The following RARB variants were observed in gnomAD, a reference collection of about 807,000 sequenced individuals.
RARB encodes the protein HBV-activated protein.
In RARB, 17 loss-of-function variants were observed where a neutral mutation model predicts 51.9. The ratio of observed to expected loss-of-function variants is 0.33; its 90% CI spans 0.22 to 0.49. The LOEUF (loss-of-function observed/expected upper bound fraction) is 0.49. Among genes scored for constraint, RARB ranks in the 20% least tolerant of loss-of-function variants. The pLI is 0.99. For synonymous variants in RARB, 215 were observed against 195.4 expected (o/e 1.10, Z -0.84); for missense variants, 369 against 550.8 (o/e 0.67, Z 3.30).
At chr3:25,521,713 C>G (rs1698407025) in intron 3 of RARB, among the ~76,000 whole-genome samples, 1 of 152,150 alleles carries the variant, frequency 6.6e-6, no homozygotes, top group Admixed American at 6.5e-5. Flanking sequence ...ATGGGCAAGT[C>G]ACTTAACCTC....
intron 3 of RARB, among the ~76,000 whole-genome samples, chr3:25,564,961 C>A (rs1700430630): frequency 6.6e-6 from 1 of 152,170 alleles, no homozygotes; most frequent in African/African-American, 2.4e-5. Flanking sequence ...ACCCCACGCT[C>A]CCAGAGAAGA....
chr3:25,542,763 G>A (rs1559459242), intron 3 of RARB, among the ~76,000 whole-genome samples: 1 of 152,222 alleles, frequency 6.6e-6, no homozygotes, highest in Non-Finnish European at 1.5e-5. Context: ...AACTGCCATG[G>A]AGCAGGTAAT....
At chr3:25,483,312 A>G (rs537350989) in intron 2 of RARB, among the ~76,000 whole-genome samples, 27 of 152,358 alleles carry the variant, frequency 1.8e-4, no homozygotes, top group Admixed American at 9.8e-4. Flanking sequence ...GTGTACATAT[A>G]TAGTCTTCAC....
At chr3:24,954,933 T>C (rs980145007) in intron 2 of RARB, among the ~76,000 whole-genome samples, 7 of 152,072 alleles carry the variant, frequency 4.6e-5, no homozygotes, top group African/African-American at 1.7e-4. Context: ...CCGACGACAG[T>C]ATCTAGGGGT....
In RARB at chr3:25,241,243, CT is replaced by C. The variant is rs1485439451; in HGVS notation, c.178+66669del. 2.0e-5 allele frequency among the ~76,000 whole-genome samples: 3 copies of C among 152,248 alleles called. No individual in the cohort carries two copies. The East Asian group carries it at 5.8e-4, about 29-fold the overall frequency. On this transcript the variant is annotated intron_variant, in intron 5 of 11. Coordinates refer to the RARB transcript ENST00000383772. ...ACAATTTCCAAAGTTTCTCTAGTTACTGAGTTTTAGTGGTCTGAGCAGATAC... is the reference window on the plus strand; with the variant it reads ...ACAATTTCCAAAGTTTCTCTAGTTACGAGTTTTAGTGGTCTGAGCAGATAC...
chr3:25,544,762 G>T (rs965852328), intron 3 of RARB, among the ~76,000 whole-genome samples: 1 of 152,054 alleles, frequency 6.6e-6, no homozygotes, highest in Non-Finnish European at 1.5e-5. Context: ...CACTTTCAAC[G>T]GACTTTCTTT....
intron 2 of RARB, among the ~76,000 whole-genome samples, chr3:24,928,776 C>T (rs551531134): frequency 1.1e-3 from 173 of 152,124 alleles, no homozygotes; most frequent in African/African-American, 4.0e-3. Context: ...ATGATAAGAT[C>T]ATTTTTCTTC....
chr3:25,015,266 T>C (rs1262517193), intron 2 of RARB, among the ~76,000 whole-genome samples: 1 of 152,176 alleles, frequency 6.6e-6, no homozygotes, highest in African/African-American at 2.4e-5. Context: ...AAAATGCTGA[T>C]AGGTTGAGAT....
intron 4 of RARB, among the ~76,000 whole-genome samples, chr3:25,165,379 C>A (rs1700543681): frequency 6.6e-6 from 1 of 151,982 alleles, no homozygotes; most frequent in South Asian, 2.1e-4. Flanking sequence ...TTCTAGGTGT[C>A]TTAGGCATTC....
rs1702743151 is a variant in RARB at position 24,861,256 on chromosome 3, T to C, written c.-380+2504T>C. Among the ~76,000 whole-genome samples, 3 of 152,268 alleles carry C rather than the reference T, an allele frequency of 2.0e-5. No homozygotes were observed. In the South Asian group the frequency reaches 6.2e-4, roughly 32 times the overall value. ...AGTAATCTAGAGCTGACTTAAAGTA[T>C]ATGGGGAAATGTACATAGATTATAT... On this transcript the variant is annotated intron_variant, in intron 2 of 11. Coordinates refer to the RARB transcript ENST00000383772.
At chr3:25,480,493 G>A (rs1696172159) in intron 2 of RARB, among the ~76,000 whole-genome samples, 1 of 152,110 alleles carries the variant, frequency 6.6e-6, no homozygotes, top group Non-Finnish European at 1.5e-5. Context: ...AGGTTCAAAT[G>A]GTAGCTAAGG....
chr3:25,595,372 T>C (rs556463083), intron 7 of RARB, among the ~76,000 whole-genome samples: 23 of 152,326 alleles, frequency 1.5e-4, no homozygotes, highest in South Asian at 8.3e-4. Flanking sequence ...ATAAACTCTG[T>C]ATTTCAGAAA....
At chr3:25,235,993 C>A (rs1418209874) in intron 5 of RARB, among the ~76,000 whole-genome samples, 2 of 152,042 alleles carry the variant, frequency 1.3e-5, no homozygotes, top group African/African-American at 2.4e-5. Flanking sequence ...AGATTTTAAA[C>A]CTCAAGTCTA....
chr3:25,070,882 CTTG>C (rs1013168255), intron 3 of RARB, among the ~76,000 whole-genome samples: 2 of 152,160 alleles, frequency 1.3e-5, no homozygotes, highest in Non-Finnish European at 2.9e-5. Flanking sequence ...TCTCTATTGC[CTTG>C]TTGTTAAATT....
At chr3:24,976,514 T>C (rs926901038) in intron 2 of RARB, among the ~76,000 whole-genome samples, 3 of 152,238 alleles carry the variant, frequency 2.0e-5, no homozygotes, top group Non-Finnish European at 4.4e-5. Context: ...ATTTCTCTGA[T>C]GACCAGCGAT....
intron 4 of RARB, among the ~76,000 whole-genome samples, chr3:25,572,182 T>A (rs538558997): frequency 1.3e-5 from 2 of 152,210 alleles, no homozygotes; most frequent in Non-Finnish European, 2.9e-5. Flanking sequence ...TGTGTTGAGT[T>A]GAGAGCAAGT....
At chr3:24,851,720 A>G (rs1702562613) in intron 1 of RARB, among the ~76,000 whole-genome samples, 1 of 152,218 alleles carries the variant, frequency 6.6e-6, no homozygotes. Context: ...TTTCATTGCT[A>G]TGAAGTATGT....
chr3:25,404,671 G>C (rs1348665591), intron 5 of RARB, among the ~76,000 whole-genome samples: 1 of 152,110 alleles, frequency 6.6e-6, no homozygotes, highest in Admixed American at 6.5e-5. Flanking sequence ...TGGCGGGGAA[G>C]AAAACGCCAA....
intron 3 of RARB, among the ~76,000 whole-genome samples, chr3:25,118,594 G>A (rs1699729561): frequency 6.6e-6 from 1 of 152,152 alleles, no homozygotes; most frequent in South Asian, 2.1e-4. Context: ...TATATTCCTT[G>A]AGAAGTACAT....
Sources: allele counts gnomAD v4.1 joint callset (sites outside exome capture counted in the v4.1 genomes callset), GRCh38; gene constraint gnomAD v4.1.1; transcripts MANE v1.5; gene names NCBI Gene and HGNC (gene_info 2026-07-23, HGNC 2026-07-21).